Variants in SLC9A9 observed in about 807,000 individuals in gnomAD.
SLC9A9 encodes sodium/hydrogen exchanger 9.
In SLC9A9, 62 loss-of-function variants were observed where a neutral mutation model predicts 77.8. That is an observed-to-expected ratio of 0.80 (90% confidence interval 0.65 to 0.98). SLC9A9 has a LOEUF of 0.98. SLC9A9 is among the 50% of genes least tolerant of loss of function. The pLI is 0.00. For missense variants in SLC9A9, 775 were observed against 774.9 expected (o/e 1.00, Z 0.00); for synonymous variants, 320 against 283.5 (o/e 1.13, Z -1.29).
intron 12 of SLC9A9, among the ~76,000 whole-genome samples, chr3:143,424,153 G>T (rs2034360819): frequency 6.6e-6 from 1 of 152,112 alleles, no homozygotes; most frequent in Non-Finnish European, 1.5e-5. Context: ...GTTGCATTGT[G>T]GTTACGTAGG....
At chr3:143,818,996 C>T (rs934531472) in intron 2 of SLC9A9, among the ~76,000 whole-genome samples, 6 of 152,096 alleles carry the variant, frequency 3.9e-5, no homozygotes, top group Non-Finnish European at 5.9e-5. Flanking sequence ...GGTAGGGAAT[C>T]GCTTGAACCC....
In SLC9A9 at chr3:143,842,747, T is replaced by A. The variant is rs1003516749; in HGVS notation, c.175+5401A>T. ...TCAACAGAATTTACTGAGCACTCCT[T>A]GCAAAATCAGAGCAGAAGCAGGAAG... On this transcript the variant is annotated intron_variant, in intron 1 of 15. Coordinates refer to ENST00000316549, the MANE Select transcript of SLC9A9 (RefSeq NM_173653.4). Among the ~76,000 whole-genome samples the A allele has an allele frequency of 4.6e-5, 7 of 152,338 alleles. No homozygotes were observed. In the East Asian group the frequency reaches 1.2e-3, roughly 25 times the overall value.
chr3:143,463,853 T>C (rs1001739719), intron 12 of SLC9A9, among the ~76,000 whole-genome samples: 1 of 152,200 alleles, frequency 6.6e-6, no homozygotes, highest in Non-Finnish European at 1.5e-5. Context: ...ATAAAGATCA[T>C]TATTTGTTTC....
At chr3:143,518,064 T>C (rs4025522) in intron 9 of SLC9A9, 1 of 1,526,392 alleles carries the variant, frequency 6.6e-7, no homozygotes, top group African/African-American at 1.4e-5. Context: ...TTTTCTTCCT[T>C]GGTATTTTCT....
intron 14 of SLC9A9, among the ~76,000 whole-genome samples, chr3:143,279,642 C>T (rs1938157621): frequency 6.6e-6 from 1 of 152,140 alleles, no homozygotes; most frequent in South Asian, 2.1e-4. Flanking sequence ...TCAGCTCCCA[C>T]TTATGAGTGA....
chr3:143,736,199 C>CA (rs1448646553), intron 4 of SLC9A9, among the ~76,000 whole-genome samples: 1 of 152,188 alleles, frequency 6.6e-6, no homozygotes, highest in South Asian at 2.1e-4. Flanking sequence ...CTCCTCCTGA[C>CA]ACTAAATTTA....
At chr3:143,741,730 T>G (rs960121985) in intron 4 of SLC9A9, among the ~76,000 whole-genome samples, 4 of 152,154 alleles carry the variant, frequency 2.6e-5, no homozygotes, top group African/African-American at 4.8e-5. Context: ...TATGATGTGA[T>G]GAAAATGGCA....
chr3:143,557,005 T>C (rs1484083694), intron 8 of SLC9A9, among the ~76,000 whole-genome samples: 1 of 152,174 alleles, frequency 6.6e-6, no homozygotes, highest in Non-Finnish European at 1.5e-5. Context: ...TGTGGTTATA[T>C]GGTTTGGCTG....
chr3:143,567,273 A>G (rs980016973), intron 8 of SLC9A9, among the ~76,000 whole-genome samples: 2 of 152,128 alleles, frequency 1.3e-5, no homozygotes, highest in Non-Finnish European at 2.9e-5. Flanking sequence ...ACTTATTCCA[A>G]TCCTTTAGCA....
chr3:143,320,079 T>C (rs778152869), intron 14 of SLC9A9, among the ~76,000 whole-genome samples: 10 of 152,236 alleles, frequency 6.6e-5, no homozygotes, highest in Non-Finnish European at 1.2e-4. Context: ...ATGGTATCTT[T>C]GGAGTGGCAG....
intron 11 of SLC9A9, among the ~76,000 whole-genome samples, chr3:143,474,751 G>A (rs1409731732): frequency 6.6e-6 from 1 of 152,078 alleles, no homozygotes; most frequent in African/African-American, 2.4e-5. Flanking sequence ...GAAGAGAGTA[G>A]AAAGATATGA....
intron 5 of SLC9A9, among the ~76,000 whole-genome samples, 172 bp from the exon 6 acceptor site, chr3:143,652,532 T>C (rs998386249): frequency 6.6e-6 from 1 of 152,142 alleles, no homozygotes; most frequent in Admixed American, 6.6e-5. Flanking sequence ...AGGCTTCTCT[T>C]GGCTCCCTAC....
intron 2 of SLC9A9, among the ~76,000 whole-genome samples, chr3:143,811,551 AGAAGTG>A (rs2008864417): frequency 6.6e-6 from 1 of 152,154 alleles, no homozygotes. Context: ...CTATTTTTCA[AGAAGTG>A]TTCACTGGCC....
At chr3:143,828,521 T>C (rs539908690) in intron 2 of SLC9A9, among the ~76,000 whole-genome samples, 1 of 151,810 alleles carries the variant, frequency 6.6e-6, no homozygotes, top group African/African-American at 2.4e-5. Context: ...TGATGTCAAG[T>C]ACTATGAAAT....
chr3:143,535,753 C>T (rs1231326124), intron 9 of SLC9A9, among the ~76,000 whole-genome samples: 1 of 152,098 alleles, frequency 6.6e-6, no homozygotes, highest in African/African-American at 2.4e-5. Context: ...TAGATTATAA[C>T]TTTAAATACA....
At chr3:143,408,178 A>AT (rs1462622536) in intron 12 of SLC9A9, among the ~76,000 whole-genome samples, 1 of 152,192 alleles carries the variant, frequency 6.6e-6, no homozygotes, top group African/African-American at 2.4e-5. Flanking sequence ...CCCTATCTTT[A>AT]TAGTTACATT....
At chr3:143,824,424 A>C (rs2009248030) in intron 2 of SLC9A9, among the ~76,000 whole-genome samples, 1 of 152,260 alleles carries the variant, frequency 6.6e-6, no homozygotes, top group Non-Finnish European at 1.5e-5. Flanking sequence ...TCCCCACTTC[A>C]TTAGGACTCA....
chr3:143,360,357 T>G (rs1442744998), intron 14 of SLC9A9, among the ~76,000 whole-genome samples: 1 of 152,202 alleles, frequency 6.6e-6, no homozygotes, highest in Non-Finnish European at 1.5e-5. Flanking sequence ...TACTCCATAA[T>G]TTGGAATTGC....
intron 14 of SLC9A9, among the ~76,000 whole-genome samples, chr3:143,346,315 A>G (rs1020831413): frequency 6.6e-6 from 1 of 152,198 alleles, no homozygotes; most frequent in Admixed American, 6.5e-5. Flanking sequence ...ACTTTACTCA[A>G]ATGGAAACCT....
Sources: gnomAD v4.1 joint callset for allele counts (sites outside exome capture counted in the v4.1 genomes callset) on GRCh38, gnomAD v4.1.1 for gene constraint, MANE v1.5 for transcripts, NCBI Gene and HGNC (gene_info 2026-07-23, HGNC 2026-07-21) for gene names.